Variants in DLGAP1 observed in about 807,000 individuals in gnomAD.
DLGAP1 encodes DLG associated protein 1.
DLGAP1 carries 11 observed loss-of-function variants against 90.8 expected under a neutral mutation model. The ratio of observed to expected loss-of-function variants is 0.12; its 90% CI spans 0.08 to 0.20. DLGAP1 has a LOEUF of 0.20. Among genes scored for constraint, DLGAP1 ranks in the 10% least tolerant of loss-of-function variants. The pLI is 1.00. For missense variants in DLGAP1, 1,050 were observed against 1,333.8 expected (o/e 0.79, Z 3.31); for synonymous variants, 558 against 540.7 (o/e 1.03, Z -0.44).
chr18:4,189,069 G>A (rs1278301417), intron 1 of DLGAP1, among the ~76,000 whole-genome samples: 1 of 152,028 alleles, frequency 6.6e-6, no homozygotes, highest in African/African-American at 2.4e-5. Flanking sequence ...TGATTTGTAC[G>A]ATAATGAATG....
intron 1 of DLGAP1, among the ~76,000 whole-genome samples, chr18:4,239,658 C>T (rs2078489541): frequency 6.6e-6 from 1 of 152,188 alleles, no homozygotes; most frequent in Non-Finnish European, 1.5e-5. Context: ...TAAATTGTAG[C>T]ATCTCAACAC....
intron 5 of DLGAP1, among the ~76,000 whole-genome samples, chr18:3,774,892 C>G (rs943943758): frequency 1.3e-5 from 2 of 152,090 alleles, no homozygotes; most frequent in Non-Finnish European, 2.9e-5. Flanking sequence ...TCTGGACCTG[C>G]CAAAGAAAAC....
intron 7 of DLGAP1, among the ~76,000 whole-genome samples, chr18:3,726,454 TGA>T (rs35741226): frequency 0.21 from 30,784 of 148,888 alleles, 3,533 homozygotes; most frequent in East Asian, 0.47. Context: ...GGTGTGTGTG[TGA>T]GAGAGAGAGA....
chr18:4,288,125 C>A (rs2079749990), intron 1 of DLGAP1, among the ~76,000 whole-genome samples: 1 of 152,066 alleles, frequency 6.6e-6, no homozygotes, highest in Non-Finnish European at 1.5e-5. Context: ...AGGTTAGTTA[C>A]ATATGTATAC....
chr18:3,667,241 G>A (rs2059916929), intron 7 of DLGAP1, among the ~76,000 whole-genome samples: 1 of 151,928 alleles, frequency 6.6e-6, no homozygotes, highest in East Asian at 1.9e-4. Flanking sequence ...CCACCACCCA[G>A]CTTATTTTTG....
chr18:3,919,834 G>A (rs886200272), intron 3 of DLGAP1, among the ~76,000 whole-genome samples: 9 of 152,206 alleles, frequency 5.9e-5, no homozygotes, highest in African/African-American at 2.2e-4. Flanking sequence ...AGCCATGGCT[G>A]AACTTCAAAT....
chr18:3,913,728 CT>C (rs2072083948), intron 3 of DLGAP1, among the ~76,000 whole-genome samples: 1 of 152,146 alleles, frequency 6.6e-6, no homozygotes, highest in African/African-American at 2.4e-5. Context: ...CTTTAGTTAT[CT>C]TTCTATGTAT....
In DLGAP1 at chr18:4,142,932, A is replaced by T. The variant is rs115592514; in HGVS notation, c.-159+8248T>A. On this transcript the variant is annotated intron_variant, in intron 2 of 12. Transcript: ENST00000315677. Reference sequence around the variant, plus strand: ...AAATTTTCTAGATTGCCAGGCAAAGACTCTTGTTCTCCTCTCTTACTTTCT... The same window carrying T: ...AAATTTTCTAGATTGCCAGGCAAAGTCTCTTGTTCTCCTCTCTTACTTTCT... 7.7e-3 allele frequency among the ~76,000 whole-genome samples: 1,166 copies of T among 152,020 alleles called. 9 individuals are homozygous for T. Among genetic ancestry groups the T allele is most frequent in the African/African-American group, 0.026 (1,095 of 41,470 alleles).
At chr18:3,953,242 T>C (rs1599211555) in intron 3 of DLGAP1, among the ~76,000 whole-genome samples, 1 of 152,208 alleles carries the variant, frequency 6.6e-6, no homozygotes, top group Non-Finnish European at 1.5e-5. Context: ...GCATATATTG[T>C]ATAGTGGTGG....
At chr18:4,196,777 AATT>A (rs2077505417) in intron 1 of DLGAP1, among the ~76,000 whole-genome samples, 1 of 152,224 alleles carries the variant, frequency 6.6e-6, no homozygotes, top group Non-Finnish European at 1.5e-5. Flanking sequence ...TATCTCATTT[AATT>A]ACAGAGTGTT....
intron 7 of DLGAP1, among the ~76,000 whole-genome samples, chr18:3,600,740 A>ATATAGAGATATATATC (rs2056872299): frequency 3.9e-4 from 18 of 46,236 alleles, no homozygotes; most frequent in Admixed American, 8.5e-4. Flanking sequence ...ATATATATAG[A>ATATAGAGATATATATC]TATATAGATA....
intron 1 of DLGAP1, among the ~76,000 whole-genome samples, chr18:4,391,772 C>G (rs1436142546): frequency 1.3e-5 from 2 of 152,176 alleles, no homozygotes; most frequent in Non-Finnish European, 2.9e-5. Flanking sequence ...TGTTCTTGGG[C>G]TAAACATTTA....
At chr18:4,193,748 AG>A (rs2144751798) in intron 1 of DLGAP1, among the ~76,000 whole-genome samples, 1 of 152,292 alleles carries the variant, frequency 6.6e-6, no homozygotes, top group African/African-American at 2.4e-5. Flanking sequence ...ATCCAGAGAA[AG>A]CTAAAAGCTA....
At chr18:3,635,132 A>G (rs1490188146) in intron 7 of DLGAP1, among the ~76,000 whole-genome samples, 1 of 140,238 alleles carries the variant, frequency 7.1e-6, no homozygotes, top group South Asian at 2.3e-4. Context: ...TGTCTGTCCC[A>G]TTTTTTTTTT....
chr18:3,874,168 C>T (rs2070920227), intron 4 of DLGAP1: 1 of 1,550,068 alleles, frequency 6.5e-7, no homozygotes, highest in South Asian at 1.2e-5. Flanking sequence ...TCAGTCCTTC[C>T]ATTTCTTGAA....
intron 9 of DLGAP1, among the ~76,000 whole-genome samples, chr18:3,544,431 C>T (rs760383094): frequency 6.6e-5 from 10 of 152,050 alleles, no homozygotes; most frequent in Non-Finnish European, 1.2e-4. Context: ...AAGTATTCAT[C>T]GCCAGCAGTC....
intron 7 of DLGAP1, among the ~76,000 whole-genome samples, chr18:3,725,126 T>C (rs2062120050): frequency 6.6e-6 from 1 of 152,214 alleles, no homozygotes; most frequent in South Asian, 2.1e-4. Context: ...ATGATTTACT[T>C]TGTGTCCTTT....
At chr18:4,229,454 G>C (rs1266168292) in intron 1 of DLGAP1, among the ~76,000 whole-genome samples, 1 of 152,036 alleles carries the variant, frequency 6.6e-6, no homozygotes, top group African/African-American at 2.4e-5. Context: ...AACCAAAACA[G>C]CATGACACTG....
intron 10 of DLGAP1, among the ~76,000 whole-genome samples, chr18:3,530,372 A>G (rs968463607): frequency 7.2e-5 from 11 of 152,030 alleles, no homozygotes; most frequent in South Asian, 2.1e-4. Context: ...CCATCACTGC[A>G]CTCCAGCCTG....
Sources: gnomAD v4.1 joint callset for allele counts (sites outside exome capture counted in the v4.1 genomes callset) on GRCh38, gnomAD v4.1.1 for gene constraint, MANE v1.5 for transcripts, NCBI Gene and HGNC (gene_info 2026-07-23, HGNC 2026-07-21) for gene names.